The following MGST1 variants were observed in gnomAD, a reference collection of about 807,000 sequenced individuals.
MGST1 encodes glutathione S-transferase 12.
Under a neutral mutation model 8.9 loss-of-function variants are expected in MGST1, and 5 were observed. The ratio of observed to expected loss-of-function variants is 0.56; its 90% CI spans 0.29 to 1.19. The LOEUF (loss-of-function observed/expected upper bound fraction) is 1.19, where lower values mean the gene tolerates loss of function less well. Among genes scored for constraint, MGST1 ranks in the 50% most tolerant of loss-of-function variants. The pLI, the probability that MGST1 is intolerant of heterozygous loss-of-function variation, is 0.08. For synonymous variants in MGST1, 54 were observed against 67.8 expected (o/e 0.80, Z 1.00); for missense variants, 182 against 187.4 (o/e 0.97, Z 0.17).
At chr12:16,495,264 T>C (rs1424339213) in intron 4 of MGST1, among the ~76,000 whole-genome samples, 1 of 151,988 alleles carries the variant, frequency 6.6e-6, no homozygotes, top group Non-Finnish European at 1.5e-5. Flanking sequence ...GAGCTAAACA[T>C]TGGGTCCTCA....
intron 4 of MGST1, among the ~76,000 whole-genome samples, chr12:16,535,651 T>A (rs1941752866): frequency 6.6e-6 from 1 of 152,176 alleles, no homozygotes; most frequent in Admixed American, 6.5e-5. Flanking sequence ...AAAAGTATGA[T>A]ATTGATATAT....
At chr12:16,394,854 C>T (rs1212976954) in intron 1 of MGST1, among the ~76,000 whole-genome samples, 1 of 152,092 alleles carries the variant, frequency 6.6e-6, no homozygotes, top group African/African-American at 2.4e-5. Context: ...GCCTCGGCCT[C>T]CCACAGTGCT....
intron 3 of MGST1, among the ~76,000 whole-genome samples, chr12:16,373,394 A>G (rs1188072856): frequency 6.6e-6 from 1 of 152,022 alleles, no homozygotes; most frequent in Non-Finnish European, 1.5e-5. Flanking sequence ...CAAAATAACT[A>G]GAAGAATGCA....
intron 1 of MGST1, among the ~76,000 whole-genome samples, chr12:16,436,699 G>A (rs535249096): frequency 1.3e-5 from 2 of 151,920 alleles, no homozygotes; most frequent in Admixed American, 6.6e-5. Context: ...TTTCACAAGA[G>A]CCTTATTGAA....
chr12:16,364,050 A>T lies in MGST1; in HGVS notation c.*9A>T. ...GTAAATTGTACCTGTAAAGAAAATC[A>T]TACAACTCAGCATCCAGTTGGCTTT... On this transcript the variant is annotated 3_prime_UTR_variant, in exon 4 of 4. Coordinates refer to ENST00000396210, the MANE Select transcript of MGST1 (RefSeq NM_020300.5). The surrounding 1 kb of genome is among the most constrained non-coding windows in gnomAD (Gnocchi z 5.7). The T allele has an allele frequency of 1.9e-6, 3 of 1,594,074 alleles. No individual in the cohort carries two copies. The highest frequency in any genetic ancestry group is 2.6e-6 in the Non-Finnish European group (3 of 1,168,252).
chr12:16,507,227 A>G (rs557154109), intron 4 of MGST1, among the ~76,000 whole-genome samples: 1 of 152,306 alleles, frequency 6.6e-6, no homozygotes, highest in East Asian at 1.9e-4. Context: ...AGAAGACAAC[A>G]TTGGGCCAAT....
chr12:16,500,659 C>T lies in MGST1; in HGVS notation n.483-88869C>T, dbSNP rs1941500298. 6.6e-6 allele frequency among the ~76,000 whole-genome samples: 1 copy of T among 151,194 alleles called. No homozygotes were observed. Among genetic ancestry groups the T allele is most frequent in the African/African-American group, 2.4e-5 (1 of 41,210 alleles). On this transcript the variant is annotated intron_variant and non_coding_transcript_variant, in intron 4 of 4. Transcript: ENST00000538857. The surrounding 1 kb of genome is among the most constrained non-coding windows in gnomAD (Gnocchi z 4.3). Reference sequence around the variant, plus strand: ...AAAGCAGAGACTTAGAAGGCCTTTGCCCAGGATGATGTTTACACATAGCAG... The same window carrying T: ...AAAGCAGAGACTTAGAAGGCCTTTGTCCAGGATGATGTTTACACATAGCAG...
chr12:16,512,165 A>T (rs1298542246), intron 4 of MGST1, among the ~76,000 whole-genome samples: 2 of 152,132 alleles, frequency 1.3e-5, no homozygotes, highest in Admixed American at 1.3e-4. Context: ...GGCTGCATTT[A>T]TCCCCTGCTG....
intron 1 of MGST1, among the ~76,000 whole-genome samples, chr12:16,419,916 G>C (rs1405665476): frequency 6.6e-6 from 1 of 152,142 alleles, no homozygotes; most frequent in Non-Finnish European, 1.5e-5. Flanking sequence ...AGAGTGAACA[G>C]ACTACTTGAA....
intron 4 of MGST1, among the ~76,000 whole-genome samples, chr12:16,534,671 G>C (rs1007053368): frequency 6.6e-6 from 1 of 152,050 alleles, no homozygotes; most frequent in African/African-American, 2.4e-5. Context: ...AATGGGCTTT[G>C]GGTTTTTATT....
intron 1 of MGST1, among the ~76,000 whole-genome samples, chr12:16,412,400 C>T (rs1940749836): frequency 6.6e-6 from 1 of 152,118 alleles, no homozygotes. Flanking sequence ...AATATCTGCC[C>T]AGTTGGAAAT....
chr12:16,391,150 T>TTTTC (rs1940549170), intron 1 of MGST1, among the ~76,000 whole-genome samples: 1 of 152,054 alleles, frequency 6.6e-6, no homozygotes, highest in Non-Finnish European at 1.5e-5. Context: ...TTTTTTTTTT[T>TTTTC]TTTCAATTTT....
chr12:16,420,793 A>G (rs143469038), intron 1 of MGST1, among the ~76,000 whole-genome samples: 4 of 152,276 alleles, frequency 2.6e-5, no homozygotes, highest in Non-Finnish European at 4.4e-5. Flanking sequence ...ACCTTTAACC[A>G]TTAGCTGAGG....
At chr12:16,433,644 A>G (rs189646499) in intron 1 of MGST1, among the ~76,000 whole-genome samples, 174 of 152,218 alleles carry the variant, frequency 1.1e-3, no homozygotes, top group African/African-American at 4.1e-3. Flanking sequence ...CAATACACTT[A>G]AATATTAATT....
intron 1 of MGST1, among the ~76,000 whole-genome samples, chr12:16,420,012 G>C (rs1248300571): frequency 6.6e-6 from 1 of 152,142 alleles, no homozygotes; most frequent in Non-Finnish European, 1.5e-5. Context: ...GCTAAAAGCA[G>C]TTTGATTCTA....
chr12:16,563,349 T>C (rs1290664387), intron 4 of MGST1, among the ~76,000 whole-genome samples: 1 of 152,196 alleles, frequency 6.6e-6, no homozygotes, highest in Non-Finnish European at 1.5e-5. Flanking sequence ...TCTGGGAAAA[T>C]AAACAAAGTA....
chr12:16,371,652 C>T (rs1940295326), intron 3 of MGST1, among the ~76,000 whole-genome samples: 1 of 152,066 alleles, frequency 6.6e-6, no homozygotes, highest in South Asian at 2.1e-4. Flanking sequence ...AAATTCCATT[C>T]TTCTCATTAG....
In MGST1 at chr12:16,362,080, T is replaced by G. The variant is rs1467177930; in HGVS notation, c.222-1715T>G. ...TAAAATGTCTGTCCTTTTGGCATGT[T>G]GTGAAGGAGAACACTAACGTGCCTA... On this transcript the variant is annotated intron_variant, in intron 3 of 3. Coordinates refer to ENST00000396210, the MANE Select transcript of MGST1 (RefSeq NM_020300.5). The surrounding 1 kb of genome is among the most constrained non-coding windows in gnomAD (Gnocchi z 4.4). 1.3e-5 allele frequency among the ~76,000 whole-genome samples: 2 copies of G among 152,212 alleles called. No individual in the cohort carries two copies. The highest frequency in any genetic ancestry group is 2.9e-5 in the Non-Finnish European group (2 of 68,038).
chr12:16,463,272 C>T (rs1263380754), intron 4 of MGST1, among the ~76,000 whole-genome samples: 1 of 152,084 alleles, frequency 6.6e-6, no homozygotes, highest in African/African-American at 2.4e-5. Context: ...TGGCCTCAAA[C>T]TCCTGGGCTC....
Sources: gnomAD v4.1 joint callset for allele counts (sites outside exome capture counted in the v4.1 genomes callset) on GRCh38, gnomAD v4.1.1 for gene constraint, Gnocchi (gnomAD v3.1) non-coding constraint, MANE v1.5 for transcripts, NCBI Gene and HGNC (gene_info 2026-07-23, HGNC 2026-07-21) for gene names.